Variants in KCNQ5 observed in about 807,000 individuals in gnomAD.
KCNQ5 encodes the protein potassium voltage-gated channel subfamily KQT member 5.
Under a neutral mutation model 98.2 loss-of-function variants are expected in KCNQ5, and 30 were observed. The ratio of observed to expected loss-of-function variants is 0.31; its 90% CI spans 0.23 to 0.41. The LOEUF is 0.41. Among genes scored for constraint, KCNQ5 ranks in the 10% least tolerant of loss-of-function variants. The pLI, the probability that KCNQ5 is intolerant of heterozygous loss-of-function variation, is 1.00. For missense variants in KCNQ5, 835 were observed against 1,182.5 expected, an observed-to-expected ratio of 0.71 and a Z score of 4.31; for synonymous variants, 458 against 449.4, an observed-to-expected ratio of 1.02 and a Z score of -0.24.
chr6:73,163,720 C>A (rs934979295), intron 10 of KCNQ5, among the ~76,000 whole-genome samples: 22 of 152,290 alleles, frequency 1.4e-4, no homozygotes, highest in African/African-American at 5.1e-4. Context: ...TTCACTCCAG[C>A]CTGGGCTAAA....
intron 1 of KCNQ5, among the ~76,000 whole-genome samples, chr6:72,672,928 G>T (rs1339254798): frequency 6.6e-6 from 1 of 152,156 alleles, no homozygotes; most frequent in East Asian, 1.9e-4. Context: ...GAAAGAGAAG[G>T]CTAGTAGGTA....
At chr6:73,019,105 A>C (rs968301373) in intron 2 of KCNQ5, among the ~76,000 whole-genome samples, 4 of 152,074 alleles carry the variant, frequency 2.6e-5, no homozygotes, top group African/African-American at 9.7e-5. Context: ...TCCATAATGC[A>C]GCAGCCTGAA....
intron 3 of KCNQ5, among the ~76,000 whole-genome samples, chr6:73,075,415 G>A (rs1329857824): frequency 6.6e-6 from 1 of 151,932 alleles, no homozygotes; most frequent in Admixed American, 6.6e-5. Flanking sequence ...TAGAGACAGG[G>A]TTTCACCATG....
intron 3 of KCNQ5, among the ~76,000 whole-genome samples, chr6:73,065,537 C>A (rs1773008882): frequency 6.6e-6 from 1 of 152,144 alleles, no homozygotes; most frequent in South Asian, 2.1e-4. Context: ...CAAAGGTAAC[C>A]AAAATGATCT....
chr6:73,145,164 A>AAAAGGAAAGGAAAGAAAGG (rs1776872112), intron 10 of KCNQ5, among the ~76,000 whole-genome samples: 1 of 152,226 alleles, frequency 6.6e-6, no homozygotes, highest in Non-Finnish European at 1.5e-5. Flanking sequence ...CCTAAGAAAG[A>AAAAGGAAAGGAAAGAAAGG]AAAGGAAAAT....
intron 10 of KCNQ5, among the ~76,000 whole-genome samples, chr6:73,141,103 A>C (rs193128013): frequency 6.6e-6 from 1 of 152,368 alleles, no homozygotes; most frequent in Non-Finnish European, 1.5e-5. Flanking sequence ...TATAAACAAC[A>C]AATATTTACT....
At chr6:73,071,065 A>AG in intron 3 of KCNQ5, among the ~76,000 whole-genome samples, 1 of 152,262 alleles carries the variant, frequency 6.6e-6, no homozygotes, top group South Asian at 2.1e-4. Context: ...CTAAAACAGG[A>AG]GGGGGATGGT....
intron 4 of KCNQ5, 87 bp from the exon 5 acceptor site, chr6:73,077,675 T>C (rs1773591893): frequency 1.5e-6 from 2 of 1,343,782 alleles, no homozygotes; most frequent in Non-Finnish European, 1.0e-6. Context: ...CAAGAAGTAG[T>C]AAAGTGAATA....
At chr6:72,867,946 CTAA>C (rs113492962) in intron 1 of KCNQ5, among the ~76,000 whole-genome samples, 1,870 of 149,836 alleles carry the variant, frequency 0.012, 48 homozygotes, top group African/African-American at 0.039. Context: ...ACTAATAATA[CTAA>C]TACTACTACT....
At chr6:72,938,038 A>C (rs1034267059) in intron 1 of KCNQ5, among the ~76,000 whole-genome samples, 1 of 152,200 alleles carries the variant, frequency 6.6e-6, no homozygotes, top group Non-Finnish European at 1.5e-5. Context: ...TGACCACCTT[A>C]CAAGGTTGTT....
At chr6:72,951,255 T>C (rs1200875465) in intron 1 of KCNQ5, among the ~76,000 whole-genome samples, 1 of 151,976 alleles carries the variant, frequency 6.6e-6, no homozygotes, top group Admixed American at 6.6e-5. Flanking sequence ...TTGTTGTTGA[T>C]TTTTTGTTGG....
At chr6:72,698,881 A>G (rs573809169) in intron 1 of KCNQ5, among the ~76,000 whole-genome samples, 54 of 151,700 alleles carry the variant, frequency 3.6e-4, no homozygotes, top group Admixed American at 1.2e-3. Context: ...CTGGTCTCAA[A>G]CTTATTGCCT....
rs546695453 is a variant in KCNQ5, at chr6:72,713,718, G to A, written c.398+91131G>A. The stretch of plus-strand genomic sequence containing the variant: ...GGAATAAGTGCTTGAAGCCCACAGA[G>A]GGTTCTTTGTCTTAGAGAGGGGCAT... On this transcript the variant is annotated intron_variant, in intron 1 of 13. Coordinates refer to ENST00000370398, the MANE Select transcript of KCNQ5 (RefSeq NM_019842.4). 1.4e-3 allele frequency among the ~76,000 whole-genome samples: 207 copies of A among 152,262 alleles called. 1 individual carries two copies. Among genetic ancestry groups the A allele is most frequent in the Admixed American group, 2.2e-3 (34 of 15,286 alleles).
intron 1 of KCNQ5, among the ~76,000 whole-genome samples, chr6:72,860,480 CT>C (rs1461492052): frequency 6.6e-6 from 1 of 152,156 alleles, no homozygotes; most frequent in Non-Finnish European, 1.5e-5. Flanking sequence ...GTTTCCTCAT[CT>C]GTAAAATAAT....
At chr6:72,871,570 G>A (rs1406879607) in intron 1 of KCNQ5, among the ~76,000 whole-genome samples, 8 of 152,180 alleles carry the variant, frequency 5.3e-5, no homozygotes, top group Non-Finnish European at 7.4e-5. Context: ...TAACTCGCTT[G>A]TAGTTGTAAC....
At chr6:72,818,985 G>A (rs1033502288) in intron 1 of KCNQ5, among the ~76,000 whole-genome samples, 2 of 151,806 alleles carry the variant, frequency 1.3e-5, no homozygotes, top group Non-Finnish European at 1.5e-5. Context: ...TAATGACTGC[G>A]TGCATTCATT....
chr6:73,036,416 A>G (rs974441215), intron 2 of KCNQ5, among the ~76,000 whole-genome samples: 7 of 147,508 alleles, frequency 4.7e-5, no homozygotes, highest in Non-Finnish European at 7.5e-5. Context: ...AAAAAAAGAT[A>G]TCGGACAGTT....
In KCNQ5 at chr6:72,761,688, CTT is replaced by C. The variant is rs1333618079; in HGVS notation, c.398+139102_398+139103del. 2.6e-5 allele frequency among the ~76,000 whole-genome samples: 4 copies of C among 151,774 alleles called. No homozygotes were observed. The East Asian group carries it at 7.8e-4, about 29-fold the overall frequency. On this transcript the variant is annotated intron_variant, in intron 1 of 13. Coordinates refer to ENST00000370398, the MANE Select transcript of KCNQ5 (RefSeq NM_019842.4). Reference sequence around the variant, plus strand: ...TCTTCATGTGGTTAATGTCATTTAACTTATAGTTCTAGAAGATGTTTTTGCAG... The same window carrying C: ...TCTTCATGTGGTTAATGTCATTTAACATAGTTCTAGAAGATGTTTTTGCAG...
At chr6:72,819,845 T>C (rs1339161397) in intron 1 of KCNQ5, among the ~76,000 whole-genome samples, 1 of 152,222 alleles carries the variant, frequency 6.6e-6, no homozygotes, top group Admixed American at 6.5e-5. Context: ...GTCTGCCTAT[T>C]GCAACAGCAC....
Sources: gnomAD v4.1 joint callset for allele counts (sites outside exome capture counted in the v4.1 genomes callset) on GRCh38, gnomAD v4.1.1 for gene constraint, MANE v1.5 for transcripts, NCBI Gene and HGNC (gene_info 2026-07-23, HGNC 2026-07-21) for gene names.